KLHL1: variants seen among roughly 807,000 people sequenced by gnomAD.
KLHL1 encodes the protein kelch like family member 1.
Under a neutral mutation model 77.7 loss-of-function variants are expected in KLHL1, and 47 were observed. That is an observed-to-expected ratio of 0.60 (90% CI 0.48 to 0.77). KLHL1 has a LOEUF of 0.77. Ranked by LOEUF, KLHL1 falls within the 30% of genes least tolerant of loss-of-function variation. The probability of loss-of-function intolerance (pLI) is 0.00; values close to 1 mark genes in which losing one functional copy is unlikely to be tolerated. For synonymous variants in KLHL1, 360 were observed against 325.2 expected (o/e 1.11, Z -1.15); for missense variants, 925 against 910.8 (o/e 1.02, Z -0.20).
At chr13:69,854,222 A>G (rs1879801232) in intron 5 of KLHL1, among the ~76,000 whole-genome samples, 1 of 152,074 alleles carries the variant, frequency 6.6e-6, no homozygotes, top group Admixed American at 6.6e-5. Flanking sequence ...ATAGTTCTGC[A>G]GGCTGTACAA....
intron 6 of KLHL1, among the ~76,000 whole-genome samples, chr13:69,801,114 A>T (rs1257097480): frequency 1.3e-5 from 2 of 152,202 alleles, no homozygotes; most frequent in East Asian, 3.9e-4. Flanking sequence ...ACAAAATTGC[A>T]CATATATACC....
intron 8 of KLHL1, among the ~76,000 whole-genome samples, chr13:69,723,881 T>C (rs1351517653): frequency 2.0e-5 from 3 of 151,462 alleles, no homozygotes; most frequent in Non-Finnish European, 2.9e-5. Flanking sequence ...CTTGCTTTTT[T>C]GCCCAGGCTG....
intron 8 of KLHL1, among the ~76,000 whole-genome samples, chr13:69,737,334 C>T (rs951493899): frequency 6.6e-6 from 1 of 152,220 alleles, no homozygotes; most frequent in South Asian, 2.1e-4. Flanking sequence ...TGGAAACTCC[C>T]ATGAGGCAGG....
chr13:70,022,591 G>T (rs1351304097), intron 1 of KLHL1, among the ~76,000 whole-genome samples: 1 of 42,900 alleles, frequency 2.3e-5, no homozygotes, highest in Non-Finnish European at 6.4e-5. Context: ...TTTTAGATTT[G>T]TTTTTAAATT....
intron 1 of KLHL1, among the ~76,000 whole-genome samples, chr13:69,996,092 C>A (rs1291375579): frequency 6.6e-6 from 1 of 152,020 alleles, no homozygotes; most frequent in Non-Finnish European, 1.5e-5. Context: ...ATCATGAGGT[C>A]AGGAGACTGA....
intron 4 of KLHL1, among the ~76,000 whole-genome samples, chr13:69,926,107 G>T (rs557726565): frequency 6.6e-6 from 1 of 152,094 alleles, no homozygotes; most frequent in Non-Finnish European, 1.5e-5. Flanking sequence ...AACGTTTCTA[G>T]TTTTTTATTA....
intron 7 of KLHL1, among the ~76,000 whole-genome samples, chr13:69,763,535 CA>C (rs1875122872): frequency 6.6e-6 from 1 of 152,154 alleles, no homozygotes; most frequent in Non-Finnish European, 1.5e-5. Flanking sequence ...ACTGAGATGA[CA>C]AAAACTCAAA....
At chr13:70,012,178 G>A (rs1445700920) in intron 1 of KLHL1, among the ~76,000 whole-genome samples, 1 of 152,026 alleles carries the variant, frequency 6.6e-6, no homozygotes, top group Non-Finnish European at 1.5e-5. Context: ...ATCATATCAG[G>A]TCTCTTATTA....
intron 10 of KLHL1, among the ~76,000 whole-genome samples, chr13:69,703,813 A>T (rs1370590147): frequency 6.6e-6 from 1 of 151,700 alleles, no homozygotes; most frequent in Non-Finnish European, 1.5e-5. Context: ...GTAACCTAGG[A>T]GCAATAGGTT....
At chr13:69,974,626 G>C (rs958178959) in intron 2 of KLHL1, among the ~76,000 whole-genome samples, 1 of 151,718 alleles carries the variant, frequency 6.6e-6, no homozygotes, top group African/African-American at 2.4e-5. Context: ...TTTTTGAGTT[G>C]GTTGACACCT....
chr13:70,092,112 T>G (rs1321637658), intron 1 of KLHL1, among the ~76,000 whole-genome samples: 1 of 152,124 alleles, frequency 6.6e-6, no homozygotes, highest in East Asian at 1.9e-4. Context: ...TTCCACCAGA[T>G]GAGAAATAAA....
chr13:69,882,285 G>T lies in KLHL1; in HGVS notation c.1225C>A (p.Gln409Lys). 6.2e-7 allele frequency: 1 copy of T among 1,603,402 alleles called. No individual in the cohort carries two copies. The highest frequency in any genetic ancestry group is 8.5e-7 in the Non-Finnish European group (1 of 1,170,350). Residue 409 changes from glutamine (Q) to lysine (K), a missense_variant and splice_region_variant, in exon 5 of 11, where the codon CAG (glutamine) becomes AAG (lysine). Gln to Lys is a moderately conservative substitution (Grantham distance 53). Coordinates refer to ENST00000377844, the MANE Select transcript of KLHL1 (RefSeq NM_020866.3). ...TAAACAGCGTCACACATCATTACCT[G>T]TGGTGGAAGCAGTGGCAGTCTTATA... ...AFIRLPLLPP[Q>K]ILADLENHAL...
chr13:69,733,330 A>G (rs1429927785), intron 8 of KLHL1, among the ~76,000 whole-genome samples: 1 of 152,194 alleles, frequency 6.6e-6, no homozygotes, highest in Non-Finnish European at 1.5e-5. Flanking sequence ...CAAGGCAGAG[A>G]TATTAAATTA....
In KLHL1 at chr13:69,773,884, C is replaced by T. The variant is rs1000614320; in HGVS notation, c.1639+22854G>A. Among the ~76,000 whole-genome samples the T allele has an allele frequency of 2.3e-3, 331 of 142,634 alleles. 1 individual carries two copies. Among genetic ancestry groups the T allele is most frequent in the African/African-American group, 8.7e-3 (311 of 35,654 alleles). The allele number at this position is 142,634 out of a possible 152,430, so 93.6% of individuals were successfully genotyped here. On this transcript the variant is annotated intron_variant, in intron 7 of 10. Coordinates refer to ENST00000377844, the MANE Select transcript of KLHL1 (RefSeq NM_020866.3). ...TTGGCTATATATATATATATATATA[C>T]ATAGAATAAAACGTATTGTGGGAGT... is the stretch of plus-strand genomic sequence containing the variant.
intron 9 of KLHL1, among the ~76,000 whole-genome samples, 185 bp from the exon 10 acceptor site, chr13:69,707,981 G>A (rs888070832): frequency 2.6e-5 from 4 of 151,410 alleles, no homozygotes; most frequent in African/African-American, 9.7e-5. Context: ...TAAACTTTAA[G>A]GTATTTTAAA....
intron 6 of KLHL1, among the ~76,000 whole-genome samples, chr13:69,798,532 A>G (rs1877231669): frequency 1.3e-5 from 2 of 152,132 alleles, no homozygotes; most frequent in Admixed American, 6.5e-5. Flanking sequence ...TATTGTTAGG[A>G]TAAAAATAAA....
intron 8 of KLHL1, among the ~76,000 whole-genome samples, chr13:69,730,075 C>T (rs1343225286): frequency 2.4e-4 from 36 of 152,058 alleles, no homozygotes; most frequent in Admixed American, 2.3e-3. Context: ...TTAGTCATAA[C>T]AACATGTAAG....
chr13:69,934,084 T>C lies in KLHL1; in HGVS notation c.1014+5956A>G, dbSNP rs1393871526. On this transcript the variant is annotated intron_variant, in intron 4 of 10. Coordinates refer to ENST00000377844, the MANE Select transcript of KLHL1 (RefSeq NM_020866.3). ...ATCCTGAATCACAGTTTTATTGTTT[T>C]TAAAATGGATATAACACTTGCCTTG... Among the ~76,000 whole-genome samples, 3 of 152,190 alleles carry C rather than the reference T, an allele frequency of 2.0e-5. No individual in the cohort carries two copies. The South Asian group carries it at 6.2e-4, about 31-fold the overall frequency.
At chr13:69,986,264 A>G (rs1884867609) in intron 1 of KLHL1, among the ~76,000 whole-genome samples, 1 of 152,014 alleles carries the variant, frequency 6.6e-6, no homozygotes. Context: ...GTTCCGTTGC[A>G]CAGTAGGTTG....
Sources: gnomAD v4.1 joint callset for allele counts (sites outside exome capture counted in the v4.1 genomes callset) on GRCh38, gnomAD v4.1.1 for gene constraint, MANE v1.5 for transcripts, NCBI Gene and HGNC (gene_info 2026-07-23, HGNC 2026-07-21) for gene names.